The following PDE4D variants were observed in gnomAD, a reference collection of about 807,000 sequenced individuals.
PDE4D encodes phosphodiesterase 4D.
PDE4D carries 24 observed loss-of-function variants against 87.4 expected under a neutral mutation model. That is an observed-to-expected ratio of 0.27 (90% CI 0.20 to 0.39). The LOEUF is 0.39. PDE4D is among the 10% of genes least tolerant of loss of function. The pLI, the probability that PDE4D is intolerant of heterozygous loss-of-function variation, is 1.00. For synonymous variants in PDE4D, 384 were observed against 383.2 expected (o/e 1.00, Z -0.02); for missense variants, 714 against 1,041.0 (o/e 0.69, Z 4.32).
rs574456399 is a variant in PDE4D at position 59,362,339 on chromosome 5, T to G, written c.456-146371A>C. 3.9e-5 allele frequency among the ~76,000 whole-genome samples: 6 copies of G among 152,326 alleles called. No individual in the cohort carries two copies. The South Asian group carries it at 1.2e-3, about 32-fold the overall frequency. On this transcript the variant is annotated intron_variant, in intron 1 of 14. Coordinates refer to ENST00000340635, the MANE Select transcript of PDE4D (RefSeq NM_001104631.2). ...ACCACTTTATCAGTTTCAAAAAGAA[T>G]ATCAGTCCTCAGTTTTGATAGATAA... is the stretch of plus-strand genomic sequence containing the variant.
chr5:59,470,048 AT>A (rs1455927663), intron 1 of PDE4D, among the ~76,000 whole-genome samples: 3 of 152,054 alleles, frequency 2.0e-5, no homozygotes, highest in Non-Finnish European at 4.4e-5. Flanking sequence ...TGGAATTTCC[AT>A]TTTTAATAAG....
intron 1 of PDE4D, among the ~76,000 whole-genome samples, chr5:60,317,271 G>T (rs2149829275): frequency 6.6e-6 from 1 of 152,236 alleles, no homozygotes; most frequent in South Asian, 2.1e-4. Context: ...TAGTTTATTT[G>T]CATAGAGGTG....
intron 1 of PDE4D, among the ~76,000 whole-genome samples, chr5:59,244,833 T>C (rs1435035373): frequency 6.6e-6 from 1 of 150,658 alleles, no homozygotes; most frequent in African/African-American, 2.4e-5. Flanking sequence ...GGGGTATGTG[T>C]GTATATGCTT....
intron 1 of PDE4D, among the ~76,000 whole-genome samples, chr5:60,238,562 A>G (rs1025865511): frequency 4.6e-5 from 7 of 152,016 alleles, no homozygotes; most frequent in Non-Finnish European, 8.8e-5. Flanking sequence ...ACTGGTTGGT[A>G]TGAAATAAAA....
chr5:59,433,661 C>T (rs951538297), intron 1 of PDE4D, among the ~76,000 whole-genome samples: 1 of 151,928 alleles, frequency 6.6e-6, no homozygotes, highest in Non-Finnish European at 1.5e-5. Flanking sequence ...CCATGATTAC[C>T]CATCTATGTT....
intron 2 of PDE4D, among the ~76,000 whole-genome samples, chr5:60,126,048 C>T (rs1050499519): frequency 4.6e-5 from 7 of 152,024 alleles, no homozygotes; most frequent in East Asian, 3.9e-4. Flanking sequence ...GTTAAAAGGG[C>T]GTTTGACTAT....
At chr5:60,514,583 G>A (rs933095358) in intron 1 of PDE4D, among the ~76,000 whole-genome samples, 2 of 151,946 alleles carry the variant, frequency 1.3e-5, no homozygotes, top group Admixed American at 6.5e-5. Context: ...CAGAATGAGG[G>A]AGAAATTTCT....
intron 1 of PDE4D, chr5:59,430,319 T>C: frequency 1.6e-6 from 2 of 1,231,320 alleles, no homozygotes; most frequent in Non-Finnish European, 2.0e-6. Flanking sequence ...TTAATATCAA[T>C]TGGCATGTTG....
intron 2 of PDE4D, among the ~76,000 whole-genome samples, chr5:60,105,649 C>A (rs1270025670): frequency 1.3e-5 from 2 of 152,080 alleles, no homozygotes; most frequent in Non-Finnish European, 2.9e-5. Context: ...GCCCATCAGA[C>A]TAACAGCAGA....
intron 1 of PDE4D, among the ~76,000 whole-genome samples, chr5:59,437,264 C>A (rs1796921912): frequency 6.6e-6 from 1 of 152,076 alleles, no homozygotes; most frequent in Non-Finnish European, 1.5e-5. Context: ...GAAATGGAAA[C>A]AAATGAGTTT....
rs147544936 is a variant in PDE4D at position 60,128,258 on chromosome 5, T to A, written c.42+57299A>T. On this transcript the variant is annotated intron_variant, in intron 2 of 16. Coordinates refer to the PDE4D transcript ENST00000502484. ...AAGAAACAGACATATGTTATAAATA[T>A]AATATGGATGCAACACATTTGTTTT... 1.8e-3 allele frequency among the ~76,000 whole-genome samples: 280 copies of A among 152,312 alleles called. 9 individuals carry two copies. The East Asian group carries it at 0.045, about 25-fold the overall frequency.
intron 1 of PDE4D, among the ~76,000 whole-genome samples, chr5:60,423,936 G>C (rs1418494709): frequency 6.6e-6 from 1 of 152,156 alleles, no homozygotes; most frequent in Non-Finnish European, 1.5e-5. Flanking sequence ...AGAAAATCTA[G>C]AAGAAATGGA....
At chr5:59,475,707 C>T (rs541107446) in intron 1 of PDE4D, among the ~76,000 whole-genome samples, 32 of 152,146 alleles carry the variant, frequency 2.1e-4, no homozygotes, top group African/African-American at 7.5e-4. Context: ...GCCTCTTACA[C>T]AGTGCTTTTT....
chr5:59,768,563 C>G (rs1443972423), intron 1 of PDE4D: 1 of 1,586,322 alleles, frequency 6.3e-7, no homozygotes, highest in South Asian at 1.1e-5. Context: ...GTGGTTCCCT[C>G]GCTCACGGTC....
chr5:59,551,105 G>A (rs1818041502), intron 1 of PDE4D, among the ~76,000 whole-genome samples: 1 of 151,898 alleles, frequency 6.6e-6, no homozygotes, highest in African/African-American at 2.4e-5. Context: ...TGTTTTTGAT[G>A]TGTAGAAAAA....
intron 1 of PDE4D, among the ~76,000 whole-genome samples, chr5:59,732,137 T>C (rs1757445576): frequency 6.6e-6 from 1 of 151,352 alleles, no homozygotes; most frequent in Admixed American, 6.6e-5. Flanking sequence ...ACATTTATCT[T>C]AATTTCAAAA....
chr5:60,107,412 C>T (rs1189431336), intron 2 of PDE4D, among the ~76,000 whole-genome samples: 5 of 152,156 alleles, frequency 3.3e-5, no homozygotes, highest in South Asian at 4.1e-4. Context: ...GATTCACAGC[C>T]GAATTCTACC....
intron 1 of PDE4D, among the ~76,000 whole-genome samples, chr5:59,662,526 C>G (rs1031581888): frequency 2.6e-5 from 4 of 152,142 alleles, no homozygotes; most frequent in African/African-American, 4.8e-5. Flanking sequence ...TACTCTAAAG[C>G]AAGGTTTAAA....
At position 59,752,948 on chromosome 5, in the gene PDE4D, C is replaced by A. The variant is rs143429048; in HGVS notation, c.455+140220G>T. ...GGATCGGCAAATTACGGCCAGTGGG[C>A]GAAATTCAGCCTATTTGTTTTTGCA... On this transcript the variant is annotated intron_variant, in intron 1 of 14. Transcript: ENST00000340635. Among the ~76,000 whole-genome samples the A allele has an allele frequency of 3.5e-3, 538 of 152,218 alleles. 3 individuals are homozygous for A. Among genetic ancestry groups the A allele is most frequent in the African/African-American group, 0.012 (516 of 41,532 alleles).
Sources: gnomAD v4.1 joint callset for allele counts (sites outside exome capture counted in the v4.1 genomes callset) on GRCh38, gnomAD v4.1.1 for gene constraint, MANE v1.5 for transcripts, NCBI Gene and HGNC (gene_info 2026-07-23, HGNC 2026-07-21) for gene names.